The following PALLD variants were observed in gnomAD, a reference collection of about 807,000 sequenced individuals.
PALLD encodes the protein palladin, cytoskeletal associated protein, also known as palladin.
Under a neutral mutation model 123.5 loss-of-function variants are expected in PALLD, and 61 were observed. The observed-to-expected ratio is 0.49, with a 90% CI of 0.40 to 0.61. The LOEUF (loss-of-function observed/expected upper bound fraction) is 0.61, where lower values mean the gene tolerates loss of function less well. Among genes scored for constraint, PALLD ranks in the 20% least tolerant of loss-of-function variants. The pLI is 0.00. For missense variants in PALLD, 1,273 were observed against 1,377.0 expected (o/e 0.92, Z 1.20); for synonymous variants, 465 against 496.4 (o/e 0.94, Z 0.84).
At chr4:168,925,610 C>T (rs1049002990) in intron 21 of PALLD, among the ~76,000 whole-genome samples, 3 of 151,942 alleles carry the variant, frequency 2.0e-5, no homozygotes, top group Non-Finnish European at 4.4e-5. Context: ...GTACATGCAT[C>T]CCAAATTTAA....
intron 8 of PALLD, among the ~76,000 whole-genome samples, chr4:168,707,504 G>T (rs1303448489): frequency 6.6e-6 from 1 of 152,196 alleles, no homozygotes; most frequent in African/African-American, 2.4e-5. Flanking sequence ...GCACAGCCTT[G>T]TTCACCTAAG....
chr4:168,925,353 C>A, intron 21 of PALLD, 75 bp downstream of exon 21: 1 of 1,117,646 alleles, frequency 8.9e-7, no homozygotes, highest in African/African-American at 1.5e-5. Context: ...TTAGTTGTGG[C>A]TTCCTTACTC....
rs1039438046 is a variant in PALLD at position 168,558,051 on chromosome 4, G to A, written c.908+45639G>A. The stretch of plus-strand genomic sequence containing the variant: ...CTACAGAGCCTATGCAGAGCCCTTC[G>A]TCTCCTCATTACCAATGGCCATTTG... On this transcript the variant is annotated intron_variant, in intron 2 of 21. Coordinates refer to ENST00000505667, the MANE Select transcript of PALLD (RefSeq NM_001166108.2). Among the ~76,000 whole-genome samples, 8 of 152,052 alleles carry A rather than the reference G, an allele frequency of 5.3e-5. 1 individual carries two copies. Among genetic ancestry groups the A allele is most frequent in the South Asian group, 4.1e-4 (2 of 4,822 alleles).
intron 10 of PALLD, among the ~76,000 whole-genome samples, chr4:168,715,898 C>T (rs937643640): frequency 1.1e-4 from 17 of 150,712 alleles, no homozygotes; most frequent in African/African-American, 4.2e-4. Flanking sequence ...TGCAGTGAGC[C>T]GAGATAGCGC....
intron 10 of PALLD, among the ~76,000 whole-genome samples, chr4:168,811,815 T>C (rs1205325975): frequency 6.8e-6 from 1 of 147,302 alleles, no homozygotes; most frequent in African/African-American, 2.6e-5. Flanking sequence ...CACACATTTA[T>C]TGAATTGAGA....
chr4:168,611,558 T>A (rs1773729617), intron 2 of PALLD, among the ~76,000 whole-genome samples: 1 of 152,228 alleles, frequency 6.6e-6, no homozygotes, highest in Admixed American at 6.5e-5. Flanking sequence ...CATATGTATC[T>A]GAAGACTATC....
chr4:168,625,424 A>G (rs1242277350), intron 2 of PALLD, among the ~76,000 whole-genome samples: 1 of 137,596 alleles, frequency 7.3e-6, no homozygotes, highest in Non-Finnish European at 1.6e-5. Flanking sequence ...GACAAAATCA[A>G]CAGAGTGAAA....
chr4:168,696,584 G>A (rs1783148519), intron 8 of PALLD, among the ~76,000 whole-genome samples: 1 of 151,542 alleles, frequency 6.6e-6, no homozygotes, highest in Non-Finnish European at 1.5e-5. Flanking sequence ...TGAGAAAATG[G>A]GTTTGCAAAG....
intron 10 of PALLD, among the ~76,000 whole-genome samples, chr4:168,760,240 A>C (rs893806338): frequency 1.3e-5 from 2 of 151,966 alleles, no homozygotes; most frequent in East Asian, 3.9e-4. Context: ...CAGGGTTGTC[A>C]GGTTCTTTGG....
chr4:168,811,591 C>A (rs184404896), intron 10 of PALLD, among the ~76,000 whole-genome samples: 4 of 152,180 alleles, frequency 2.6e-5, no homozygotes, highest in Admixed American at 2.6e-4. Flanking sequence ...AAAAAATTAG[C>A]CGGGCATAGT....
intron 10 of PALLD, among the ~76,000 whole-genome samples, chr4:168,791,032 A>G (rs1220127099): frequency 6.6e-6 from 1 of 152,174 alleles, no homozygotes; most frequent in Non-Finnish European, 1.5e-5. Context: ...TATAACAGGC[A>G]TCAGACCTAT....
chr4:168,591,835 C>A (rs1771462879), intron 2 of PALLD, among the ~76,000 whole-genome samples: 2 of 151,824 alleles, frequency 1.3e-5, no homozygotes, highest in South Asian at 4.2e-4. Context: ...ATTAATTTGG[C>A]CCCCAGGAAA....
chr4:168,797,818 C>T (rs1738730535), intron 10 of PALLD, among the ~76,000 whole-genome samples: 1 of 152,002 alleles, frequency 6.6e-6, no homozygotes, highest in South Asian at 2.1e-4. Context: ...CCCTCTTCTA[C>T]CACCTCAACC....
At chr4:168,619,612 A>G (rs1465542873) in intron 2 of PALLD, among the ~76,000 whole-genome samples, 3 of 152,148 alleles carry the variant, frequency 2.0e-5, no homozygotes, top group African/African-American at 7.2e-5. Flanking sequence ...TGTTTCTTAT[A>G]CTGTGGTGGG....
intron 10 of PALLD, among the ~76,000 whole-genome samples, chr4:168,824,788 A>G (rs1352147758): frequency 6.6e-6 from 1 of 151,228 alleles, no homozygotes; most frequent in African/African-American, 2.4e-5. Context: ...TTTAACTGTC[A>G]ATTATATAAA....
At chr4:168,896,997 A>C (rs1755338726) in intron 13 of PALLD, among the ~76,000 whole-genome samples, 1 of 151,936 alleles carries the variant, frequency 6.6e-6, no homozygotes, top group South Asian at 2.1e-4. Context: ...ATGCCTGGCT[A>C]ATTTTGTATT....
At chr4:168,907,948 G>A (rs6839052) in intron 15 of PALLD, among the ~76,000 whole-genome samples, 105,621 of 152,030 alleles carry the variant, frequency 0.69, 38,107 homozygotes, top group East Asian at 0.96. Context: ...GACACTCCCA[G>A]CATCTTAAGG....
At chr4:168,703,116 A>C (rs1581049535) in intron 8 of PALLD, among the ~76,000 whole-genome samples, 1 of 136,938 alleles carries the variant, frequency 7.3e-6, no homozygotes, top group East Asian at 2.4e-4. Flanking sequence ...TGTCCATGTA[A>C]TCTCATTGTT....
chr4:168,894,754 T>G (rs1050917985), intron 12 of PALLD, 77 bp downstream of exon 12: 11 of 1,558,994 alleles, frequency 7.1e-6, no homozygotes, highest in Non-Finnish European at 8.7e-6. Flanking sequence ...GATACTGTTC[T>G]TGGGATGAGT....
Sources: gnomAD v4.1 joint callset for allele counts (sites outside exome capture counted in the v4.1 genomes callset) on GRCh38, gnomAD v4.1.1 for gene constraint, MANE v1.5 for transcripts, NCBI Gene and HGNC (gene_info 2026-07-23, HGNC 2026-07-21) for gene names.